Variants in SLC20A2 observed in about 807,000 individuals in gnomAD.
The protein encoded by SLC20A2 is sodium-dependent phosphate transporter 2.
A neutral mutation model predicts 61.0 loss-of-function variants in SLC20A2; 30 were observed. The observed-to-expected ratio is 0.49, with a 90% confidence interval of 0.37 to 0.67. SLC20A2 has a LOEUF of 0.67. Among genes scored for constraint, SLC20A2 ranks in the 30% least tolerant of loss-of-function variants. The pLI, the probability that SLC20A2 is intolerant of heterozygous loss-of-function variation, is 0.00. For synonymous variants in SLC20A2, 351 were observed against 353.3 expected, an observed-to-expected ratio of 0.99 and a Z score of 0.07; for missense variants, 626 against 866.4, an observed-to-expected ratio of 0.72 and a Z score of 3.48.
At chr8:42,531,912 G>A (rs960024075) in intron 1 of SLC20A2, among the ~76,000 whole-genome samples, 5 of 151,142 alleles carry the variant, frequency 3.3e-5, no homozygotes, top group East Asian at 1.9e-4. Flanking sequence ...TCGGCCTCCC[G>A]GGTTCAAGAA....
At chr8:42,538,794 C>G (rs1264266071) in intron 1 of SLC20A2, among the ~76,000 whole-genome samples, 1 of 152,224 alleles carries the variant, frequency 6.6e-6, no homozygotes, top group Admixed American at 6.5e-5. Flanking sequence ...TGTTATTACA[C>G]TCACTATGGC....
intron 1 of SLC20A2, among the ~76,000 whole-genome samples, chr8:42,506,764 C>T (rs764179011): frequency 1.3e-5 from 2 of 152,184 alleles, no homozygotes; most frequent in Admixed American, 6.5e-5. Context: ...AGAACACAGG[C>T]GAATCATGTG....
intron 1 of SLC20A2, among the ~76,000 whole-genome samples, chr8:42,487,619 G>A (rs1191764914): frequency 1.3e-5 from 2 of 152,046 alleles, no homozygotes; most frequent in Non-Finnish European, 2.9e-5. Context: ...TATTGTTTGG[G>A]GATCTTTCTT....
chr8:42,484,927 G>T, intron 1 of SLC20A2: 1 of 409,338 alleles, frequency 2.4e-6, no homozygotes, highest in Admixed American at 2.6e-5. Flanking sequence ...GCACAAAAAG[G>T]CCTCCAGGCC....
intron 1 of SLC20A2, among the ~76,000 whole-genome samples, chr8:42,511,967 A>G (rs574133759): frequency 6.6e-6 from 1 of 152,316 alleles, no homozygotes; most frequent in South Asian, 2.1e-4. Context: ...ATAATCCAAG[A>G]GACCATTCTG....
intron 1 of SLC20A2, among the ~76,000 whole-genome samples, chr8:42,477,911 G>A (rs1015258534): frequency 1.3e-5 from 2 of 149,720 alleles, no homozygotes; most frequent in Non-Finnish European, 3.0e-5. Context: ...TTTTGAGACG[G>A]AGCCTCACTC....
chr8:42,466,208 C>T (rs1468864646), intron 2 of SLC20A2, among the ~76,000 whole-genome samples: 4 of 152,128 alleles, frequency 2.6e-5, no homozygotes, highest in Non-Finnish European at 5.9e-5. Flanking sequence ...GATCTTGGCT[C>T]ACTGCAACCT....
chr8:42,522,083 CA>C (rs1415799646), intron 1 of SLC20A2, among the ~76,000 whole-genome samples: 1 of 120,666 alleles, frequency 8.3e-6, no homozygotes, highest in East Asian at 2.7e-4. Context: ...AGACATAAAC[CA>C]TTTTTCCTAA....
chr8:42,461,624 G>A (rs140819074), intron 4 of SLC20A2, among the ~76,000 whole-genome samples: 31 of 151,978 alleles, frequency 2.0e-4, no homozygotes, highest in African/African-American at 5.1e-4. Flanking sequence ...CTAACTTTTT[G>A]TATTTTTAGT....
chr8:42,474,081 G>A (rs955580317), intron 1 of SLC20A2, among the ~76,000 whole-genome samples: 1 of 152,108 alleles, frequency 6.6e-6, no homozygotes, highest in African/African-American at 2.4e-5. Context: ...TGAGGCAGGA[G>A]AATCGCTTGA....
At chr8:42,502,632 A>G (rs948498951), upstream of SLC20A2, 4 of 152,234 alleles carry the variant, frequency 2.6e-5, no homozygotes, top group African/African-American at 7.2e-5. Context: ...CCTCGGCCTA[A>G]CCTGAGGCTC....
At chr8:42,479,717 C>A (rs1238700053) in intron 1 of SLC20A2, among the ~76,000 whole-genome samples, 1 of 151,934 alleles carries the variant, frequency 6.6e-6, no homozygotes, top group African/African-American at 2.4e-5. Context: ...CCCAGCCACT[C>A]GGGAGGCTGA....
chr8:42,439,543 C>T lies in SLC20A2; in HGVS notation c.841G>A (p.Asp281Asn). Residue 281 changes from aspartate to asparagine, a missense_variant, in exon 7 of 11, where the codon GAT becomes AAT. Transcript: ENST00000520262. ...FKELPGAKAN[D>N]DSTIPLTGAA... The stretch of plus-strand genomic sequence containing the variant: ...CCCGTGAGCGGGATGGTGCTGTCAT[C>T]ATTAGCCTTGGCACCTGGTAGCTCT... The T allele has an allele frequency of 6.2e-7, 1 of 1,614,232 alleles. No individual in the cohort carries two copies. Among genetic ancestry groups the T allele is most frequent in the Non-Finnish European group, 8.5e-7 (1 of 1,180,044 alleles).
rs148092288 is a variant in SLC20A2, at chr8:42,447,725, G to C, written c.614-2963C>G. On this transcript the variant is annotated intron_variant, in intron 5 of 10. Transcript: ENST00000520262. Reference sequence around the variant, plus strand: ...ATAATTGTAAGAGATAGTATGAATAGAATAGGTAGTTAATACTATATATAG... The same window carrying C: ...ATAATTGTAAGAGATAGTATGAATACAATAGGTAGTTAATACTATATATAG... 7.7e-3 allele frequency among the ~76,000 whole-genome samples: 1,178 copies of C among 152,268 alleles called. 9 individuals carry two copies. Among genetic ancestry groups the C allele is most frequent in the African/African-American group, 0.026 (1,100 of 41,558 alleles).
intron 1 of SLC20A2, among the ~76,000 whole-genome samples, chr8:42,476,385 G>A (rs962725993): frequency 7.9e-5 from 12 of 152,072 alleles, no homozygotes; most frequent in Non-Finnish European, 1.5e-4. Flanking sequence ...TTACAGGCTT[G>A]AGCCACCGTG....
intron 2 of SLC20A2, among the ~76,000 whole-genome samples, chr8:42,468,706 G>A (rs1472510881): frequency 1.3e-5 from 2 of 151,790 alleles, no homozygotes; most frequent in Non-Finnish European, 2.9e-5. Context: ...TGAAAGAAAC[G>A]GCAGAGCAAA....
intron 3 of SLC20A2, 140 bp downstream of exon 3, chr8:42,465,637 G>A (rs1807096857): frequency 2.8e-6 from 2 of 722,820 alleles, no homozygotes. Context: ...GTTGCAGTGA[G>A]CCGAGATTGC....
rs1427854185 is a variant in SLC20A2 at position 42,522,550 on chromosome 8, A to T, written c.-265+19271T>A. ...ACAAAAACCAGCTGAGTGTGGCAGCAGGTGCCTGTAATCCCAGCTACTTGG... is the reference window on the plus strand; with the variant it reads ...ACAAAAACCAGCTGAGTGTGGCAGCTGGTGCCTGTAATCCCAGCTACTTGG... On this transcript the variant is annotated intron_variant, in intron 1 of 10. Transcript: ENST00000342228. 1.7e-5 allele frequency among the ~76,000 whole-genome samples: 2 copies of T among 119,546 alleles called. 1 individual carries two copies. The highest frequency in any genetic ancestry group is 4.0e-5 in the Non-Finnish European group (2 of 49,732). 78.4% of individuals were successfully genotyped at this position (119,546 alleles called of 152,430 possible).
At chr8:42,538,600 C>T (rs1812859667) in intron 1 of SLC20A2, among the ~76,000 whole-genome samples, 1 of 152,182 alleles carries the variant, frequency 6.6e-6, no homozygotes, top group African/African-American at 2.4e-5. Context: ...ATAGCACTCT[C>T]AGTTTGCCAG....
Sources: allele counts gnomAD v4.1 joint callset (sites outside exome capture counted in the v4.1 genomes callset), GRCh38; gene constraint gnomAD v4.1.1; transcripts MANE v1.5; gene names NCBI Gene and HGNC (gene_info 2026-07-23, HGNC 2026-07-21).